Variants in P2RY14 observed in about 807,000 individuals in gnomAD.
P2RY14 encodes P2Y purinoceptor 14.
P2RY14 carries 2 observed loss-of-function variants against 0.9 expected under a neutral mutation model. The observed-to-expected ratio is 2.16, with a 90% CI of 0.88 to 6.79. The LOEUF (loss-of-function observed/expected upper bound fraction) is 6.79, where lower values mean the gene tolerates loss of function less well. Ranked by LOEUF, P2RY14 falls within the 30% of genes most tolerant of loss-of-function variation. The pLI is 0.05. For missense variants in P2RY14, 378 were observed against 400.1 expected (o/e 0.94, Z 0.47); for synonymous variants, 158 against 147.2 (o/e 1.07, Z -0.53).
intron 1 of P2RY14, among the ~76,000 whole-genome samples, chr3:151,220,391 T>C (rs1046185070): frequency 2.0e-5 from 3 of 152,144 alleles, no homozygotes; most frequent in African/African-American, 7.2e-5. Context: ...CCCTAAACTT[T>C]AATGTGCATA....
At chr3:151,258,346 T>G (rs533986411) in intron 1 of P2RY14, among the ~76,000 whole-genome samples, 4 of 152,228 alleles carry the variant, frequency 2.6e-5, no homozygotes, top group Non-Finnish European at 5.9e-5. Context: ...CAAAATAATT[T>G]TTAGTACTTT....
chr3:151,261,646 C>T (rs1334347602), intron 1 of P2RY14, among the ~76,000 whole-genome samples: 1 of 152,002 alleles, frequency 6.6e-6, no homozygotes, highest in Non-Finnish European at 1.5e-5. Flanking sequence ...ACCTCCATTC[C>T]TGAAACTCAG....
intron 1 of P2RY14, among the ~76,000 whole-genome samples, chr3:151,243,204 C>G (rs2149394453): frequency 6.6e-6 from 1 of 152,050 alleles, no homozygotes; most frequent in Admixed American, 6.5e-5. Flanking sequence ...AGGATATTAT[C>G]CAGGAGAACT....
At chr3:151,240,335 C>T (rs1733830188) in intron 1 of P2RY14, among the ~76,000 whole-genome samples, 1 of 152,222 alleles carries the variant, frequency 6.6e-6, no homozygotes, top group Non-Finnish European at 1.5e-5. Context: ...CTCTGACTCT[C>T]AGATTACAGC....
chr3:151,213,944 T>C lies in P2RY14; in HGVS notation c.373A>G (p.Lys125Glu), dbSNP rs1390847267. 6.2e-7 allele frequency: 1 copy of C among 1,614,018 alleles called. No homozygotes were observed. The highest frequency in any genetic ancestry group is 8.5e-7 in the Non-Finnish European group (1 of 1,180,002). ...ISFDRYYKIV[K>E]PLWTSFIQSV... ...TGGATGAAAGAAGTCCAAAGAGGCT[T>C]TACAATTTTATAATATCTGTCAAAG... Residue 125 changes from lysine (K) to glutamate (E), a missense_variant, in exon 3 of 3, where the codon AAG becomes GAG. Coordinates refer to ENST00000309170, the MANE Select transcript of P2RY14 (RefSeq NM_014879.4).
intron 1 of P2RY14, among the ~76,000 whole-genome samples, chr3:151,273,400 G>GTTTTTTTT (rs1167031698): frequency 1.4e-5 from 1 of 73,124 alleles, no homozygotes; most frequent in Non-Finnish European, 2.7e-5. Context: ...GCTAATTTTT[G>GTTTTTTTT]TATTTTTTTT....
chr3:151,225,787 A>G (rs1453339168), intron 1 of P2RY14, among the ~76,000 whole-genome samples: 1 of 152,120 alleles, frequency 6.6e-6, no homozygotes, highest in East Asian at 1.9e-4. Context: ...TTGATGTTTG[A>G]CACTCACCAC....
intron 1 of P2RY14, among the ~76,000 whole-genome samples, chr3:151,276,463 T>C (rs1000331811): frequency 2.6e-5 from 4 of 152,210 alleles, no homozygotes; most frequent in African/African-American, 9.6e-5. Flanking sequence ...TATGCTTGTG[T>C]TGGTGTCAGC....
Position 151,213,078 on chromosome 3 carries a change from A to T in P2RY14, c.*222T>A. ...AATTGTATGTATTAATTTTTTATTA[A>T]TAGAGAATAGAAAGGTCAGTATTAG... is the stretch of plus-strand genomic sequence containing the variant. On this transcript the variant is annotated 3_prime_UTR_variant, in exon 3 of 3. Transcript: ENST00000309170. 6.1e-6 allele frequency: 2 copies of T among 326,208 alleles called. No homozygotes were observed. The highest frequency in any genetic ancestry group is 1.1e-5 in the Non-Finnish European group (2 of 182,132). 20.2% of individuals were successfully genotyped at this position (326,208 alleles called of 1,614,324 possible).
chr3:151,269,619 CAA>C (rs1416666779), intron 1 of P2RY14: 4 of 357,082 alleles, frequency 1.1e-5, no homozygotes, highest in Non-Finnish European at 1.6e-5. Context: ...GGGAGGAAGA[CAA>C]AGAGGCACTG....
chr3:151,229,439 T>C (rs1731182418), intron 1 of P2RY14, among the ~76,000 whole-genome samples: 1 of 150,474 alleles, frequency 6.6e-6, no homozygotes, highest in African/African-American at 2.4e-5. Context: ...CCCGAGTAGC[T>C]GGGACTACAG....
At chr3:151,265,147 G>A (rs1349947004) in intron 1 of P2RY14, among the ~76,000 whole-genome samples, 1 of 152,200 alleles carries the variant, frequency 6.6e-6, no homozygotes, top group Non-Finnish European at 1.5e-5. Context: ...CCAGCACCTA[G>A]AGCAGTATCT....
At chr3:151,219,922 G>A (rs990207216) in intron 1 of P2RY14, among the ~76,000 whole-genome samples, 5 of 126,238 alleles carry the variant, frequency 4.0e-5, no homozygotes, top group African/African-American at 9.5e-5. Flanking sequence ...ATGGATGATC[G>A]AATCAATTTA....
intron 1 of P2RY14, chr3:151,241,702 T>G (rs1042637220): frequency 6.6e-6 from 1 of 152,234 alleles, no homozygotes; most frequent in Non-Finnish European, 1.5e-5. Flanking sequence ...TAATTTTTTT[T>G]CATTTTTCTC....
intron 1 of P2RY14, among the ~76,000 whole-genome samples, chr3:151,236,923 G>T (rs1427689574): frequency 1.3e-5 from 2 of 152,016 alleles, no homozygotes; most frequent in Non-Finnish European, 2.9e-5. Flanking sequence ...GAGTCATGCC[G>T]AGATGCATAT....
At chr3:151,276,411 G>A (rs1741865785) in intron 1 of P2RY14, among the ~76,000 whole-genome samples, 1 of 152,212 alleles carries the variant, frequency 6.6e-6, no homozygotes, top group Non-Finnish European at 1.5e-5. Context: ...TCCTCCACTA[G>A]ACAGCCTTCT....
At chr3:151,239,393 T>C (rs956978380) in intron 1 of P2RY14, among the ~76,000 whole-genome samples, 1 of 152,206 alleles carries the variant, frequency 6.6e-6, no homozygotes, top group Non-Finnish European at 1.5e-5. Flanking sequence ...CTGTATGGGA[T>C]TGGATTTTCT....
intron 1 of P2RY14, among the ~76,000 whole-genome samples, chr3:151,231,974 A>G (rs1027719110): frequency 2.6e-5 from 4 of 152,166 alleles, no homozygotes; most frequent in Non-Finnish European, 4.4e-5. Context: ...TGATATATGC[A>G]TGCCTATATG....
At chr3:151,225,483 T>C (rs1730304002) in intron 1 of P2RY14, among the ~76,000 whole-genome samples, 1 of 152,162 alleles carries the variant, frequency 6.6e-6, no homozygotes, top group Admixed American at 6.5e-5. Flanking sequence ...TCTGCAGTAA[T>C]ACCATTAATT....
Sources: gnomAD v4.1 joint callset for allele counts (sites outside exome capture counted in the v4.1 genomes callset) on GRCh38, gnomAD v4.1.1 for gene constraint, MANE v1.5 for transcripts, NCBI Gene and HGNC (gene_info 2026-07-23, HGNC 2026-07-21) for gene names.